RYR1: variants seen among roughly 807,000 people sequenced by gnomAD.
The protein encoded by RYR1 is ryanodine receptor 1.
A neutral mutation model predicts 583.5 loss-of-function variants in RYR1; 342 were observed. The ratio of observed to expected loss-of-function variants is 0.59; its 90% confidence interval spans 0.54 to 0.64. The LOEUF (loss-of-function observed/expected upper bound fraction) is 0.64. RYR1 is among the 30% of genes least tolerant of loss of function. RYR1 has a pLI of 0.00. For synonymous variants in RYR1, 2,791 were observed against 2,822.5 expected, an observed-to-expected ratio of 0.99 and a Z score of 0.35; for missense variants, 6,032 against 6,917.2, an observed-to-expected ratio of 0.87 and a Z score of 4.54.
intron 79 of RYR1, 134 bp downstream of exon 79, chr19:38,534,953 C>A: frequency 8.9e-7 from 1 of 1,121,400 alleles, no homozygotes; most frequent in Non-Finnish European, 1.3e-6. Flanking sequence ...CCAGCCCTTG[C>A]AGCTTCCCCT....
intron 12 of RYR1, among the ~76,000 whole-genome samples, chr19:38,452,349 G>C (rs1967120162): frequency 6.6e-6 from 1 of 151,572 alleles, no homozygotes; most frequent in Non-Finnish European, 1.5e-5. Flanking sequence ...GCTGAGGAAG[G>C]AGGATTGCTT....
chr19:38,576,065 G>T lies in RYR1; in HGVS notation c.14172+104G>T. The stretch of plus-strand genomic sequence containing the variant: ...GCTTGGTGTGTGACCTTGGGCAAGA[G>T]GTTTTTTTGCCTTTCTGAGTAGCAC... On this transcript the variant is annotated intron_variant, in intron 97 of 105. Transcript: ENST00000359596. 3.7e-6 allele frequency: 5 copies of T among 1,363,116 alleles called. No homozygotes were observed. The South Asian group carries it at 5.8e-5, about 16-fold the overall frequency. 84.4% of individuals were successfully genotyped at this position (1,363,116 alleles called of 1,614,324 possible). A position where few individuals can be genotyped will look rare whatever the true frequency, so the allele number is the denominator to read the frequency against.
Position 38,496,289 on chromosome 19 carries a change from T to C in RYR1, c.6623T>C (p.Met2208Thr), listed in dbSNP as rs1447570493. ...GCGCTGGGCATGCACGAGACGGTCA[T>C]GGAGGTCATGGTCAACGTCCTCGGG... ...MRALGMHETVMEVMVNVLGGG... is the reference protein window; with the variant it reads ...MRALGMHETVTEVMVNVLGGG... Residue 2208 changes from methionine (M) to threonine (T), a missense_variant, in exon 40 of 106, where the codon ATG (methionine) becomes ACG (threonine). This residue lies in a region of RYR1 where 2,627 missense variants were observed against 2,961.3 expected (regional missense o/e 0.89). Transcript: ENST00000359596. This position sits in a 1 kb window ranked among gnomAD's most constrained non-coding sequence, Gnocchi z 4.8. 1 of 1,613,966 alleles carries C rather than the reference T, an allele frequency of 6.2e-7. No homozygotes were observed. Among genetic ancestry groups the C allele is most frequent in the East Asian group, 2.2e-5 (1 of 44,858 alleles).
intron 35 of RYR1, 148 bp downstream of exon 35, chr19:38,489,591 T>A: frequency 1.2e-6 from 1 of 866,068 alleles, no homozygotes; most frequent in Non-Finnish European, 1.9e-6. Context: ...TGGAAAGATC[T>A]CTGTTTTCCA....
intron 89 of RYR1, among the ~76,000 whole-genome samples, chr19:38,552,230 G>A (rs1213918002): frequency 6.6e-6 from 1 of 151,580 alleles, no homozygotes; most frequent in East Asian, 1.9e-4. Flanking sequence ...GGGATTACCA[G>A]CATAAGCTAC....
chr19:38,435,471 C>A (rs1324944432), intron 1 of RYR1, among the ~76,000 whole-genome samples: 3 of 152,162 alleles, frequency 2.0e-5, no homozygotes, highest in African/African-American at 4.8e-5. Flanking sequence ...GTGGCTCATG[C>A]CTGTAATCTC....
Position 38,523,315 on chromosome 19 carries a change from G to T in RYR1, c.10440+6G>T. On this transcript the variant is annotated splice_donor_region_variant and intron_variant, in intron 69 of 105. Coordinates refer to ENST00000359596, the MANE Select transcript of RYR1 (RefSeq NM_000540.3). ...ACAAAAGCAAAATGGCTAAGGTCGG[G>T]GCTTGGTTCTGGGAGGAGCACTTGG... 1 of 1,614,136 alleles carries T rather than the reference G, an allele frequency of 6.2e-7. No individual in the cohort carries two copies. Among genetic ancestry groups the T allele is most frequent in the Non-Finnish European group, 8.5e-7 (1 of 1,180,028 alleles).
chr19:38,529,496 G>A (rs963022936), intron 76 of RYR1, among the ~76,000 whole-genome samples: 3 of 151,966 alleles, frequency 2.0e-5, no homozygotes, highest in African/African-American at 7.2e-5. Flanking sequence ...AAAAGAAAAG[G>A]AACGTAAATG....
At chr19:38,453,058 G>T in intron 13 of RYR1, 44 bp downstream of exon 13, 1 of 1,599,024 alleles carries the variant, frequency 6.3e-7, no homozygotes, top group Non-Finnish European at 8.5e-7. Context: ...GGGCCCAGGG[G>T]GCGGGACCAC....
At chr19:38,504,598 G>A in intron 50 of RYR1, 150 bp from the exon 51 acceptor site, 3 of 1,153,956 alleles carry the variant, frequency 2.6e-6, no homozygotes, top group Non-Finnish European at 2.5e-6. Flanking sequence ...ATACAATTGG[G>A]ACTGACATTT....
In RYR1 at chr19:38,502,598, T is replaced by C. The variant is rs778270931; in HGVS notation, c.7706T>C (p.Phe2569Ser). The C allele has an allele frequency of 3.1e-6, 5 of 1,612,674 alleles. No homozygotes were observed. The highest frequency in any genetic ancestry group is 4.2e-6 in the Non-Finnish European group (5 of 1,179,882). Residue 2569 changes from phenylalanine to serine, a missense_variant, in exon 48 of 106, where the codon TTT becomes TCT. Around this residue, in one of 11 missense-constraint regions of RYR1, gnomAD observed 250 missense variants for 162.3 expected, o/e 1.54. Transcript: ENST00000359596. ...LPLITKCAPL[F>S]AGTEHRAIMV... Reference sequence around the variant, plus strand: ...CTCATCACCAAGTGTGCGCCGCTCTTTGCGGGCACAGAACACCGCGCCATC... The same window carrying C: ...CTCATCACCAAGTGTGCGCCGCTCTCTGCGGGCACAGAACACCGCGCCATC...
intron 101 of RYR1, among the ~76,000 whole-genome samples, chr19:38,583,452 T>G (rs1974306058): frequency 6.8e-6 from 1 of 147,784 alleles, no homozygotes; most frequent in Non-Finnish European, 1.5e-5. Flanking sequence ...CACTCCAGCC[T>G]GGGCAACAGA....
At position 38,485,934 on chromosome 19, in the gene RYR1, A is replaced by T. The variant is rs758330549; in HGVS notation, c.5279A>T (p.His1760Leu). 6.2e-7 allele frequency: 1 copy of T among 1,613,716 alleles called. No individual in the cohort carries two copies. The highest frequency in any genetic ancestry group is 1.1e-5 in the South Asian group (1 of 91,084). The change falls in exon 34 of 106, where the codon CAT (histidine) becomes CTT (leucine). Residue 1760 changes from histidine to leucine, a missense_variant. Physicochemically the swap from His to Leu is moderately conservative, Grantham distance 99. Transcript: ENST00000359596. ...AGCACAGAAAATGGTCACCCCCGGC[A>T]TGGCCTGCCGGGAGTTGGAGTCACC... ...GRSTENGHPR[H>L]GLPGVGVTTS... is the part of the protein sequence containing the mutation.
In RYR1 at chr19:38,460,729, G is replaced by A. The variant is rs1967691959; in HGVS notation, c.2577+138G>A. 22 of 831,406 alleles carry A rather than the reference G, an allele frequency of 2.6e-5. No homozygotes were observed. The South Asian group carries it at 3.1e-4, about 12-fold the overall frequency. 51.5% of individuals were successfully genotyped at this position (831,406 alleles called of 1,614,324 possible). ...GTGGTGGCTCACGCCTGTAAGCCCA[G>A]CAATTTGGGAGGCCGAGGCGGGTGG... On this transcript the variant is annotated intron_variant, in intron 20 of 105. Transcript: ENST00000359596.
In RYR1 at chr19:38,478,452, G is replaced by A. The variant is rs1408050952; in HGVS notation, c.4472G>A (p.Cys1491Tyr). The change falls in exon 31 of 106, where the codon TGC (cysteine) becomes TAC (tyrosine). Residue 1491 changes from cysteine (C) to tyrosine (Y), a missense_variant. Transcript: ENST00000359596. Reference protein sequence around the residue: ...NVHSSLKCSNCYMVWGGDFVS... With the variant: ...NVHSSLKCSNYYMVWGGDFVS... The stretch of plus-strand genomic sequence containing the variant: ...TCCTGCAGCCTCAAGTGTAGCAACT[G>A]CTACATGGTGTGGGGCGGAGACTTT... 1 of 1,613,836 alleles carries A rather than the reference G, an allele frequency of 6.2e-7. No homozygotes were observed. Among genetic ancestry groups the A allele is most frequent in the East Asian group, 2.2e-5 (1 of 44,874 alleles).
At chr19:38,463,301 G>C (rs1053474192) in intron 20 of RYR1, 122 bp from the exon 21 acceptor site, 8 of 770,372 alleles carry the variant, frequency 1.0e-5, no homozygotes, top group Non-Finnish European at 1.8e-5. Context: ...AGGGCTGCTG[G>C]ATGGTGGGAA....
chr19:38,565,300 GCT>G lies in RYR1; in HGVS notation c.12967_12968del (p.Leu4323TyrfsTer259), dbSNP rs1973351768. On this transcript the variant is annotated frameshift_variant, in exon 91 of 106. Coordinates refer to ENST00000359596, the MANE Select transcript of RYR1 (RefSeq NM_000540.3). LOFTEE classifies it high-confidence loss of function. This position sits in a 1 kb window ranked among gnomAD's most constrained non-coding sequence, Gnocchi z 4.7. ...GGCGGCGCGTGCGGCGGCTGCGGCG[GCT>G]TACGGCCCGCGAGGCGGCCACCGCA... ...LRRRVRRLRR[L>X]TAREAATAVA... 1 of 1,077,154 alleles carries G rather than the reference GCT, an allele frequency of 9.3e-7. No individual in the cohort carries two copies. Among genetic ancestry groups the G allele is most frequent in the Admixed American group, 5.3e-5 (1 of 18,754 alleles). The allele number at this position is 1,077,154 out of a possible 1,614,324, so 66.7% of individuals were successfully genotyped here.
intron 2 of RYR1, among the ~76,000 whole-genome samples, chr19:38,441,179 G>A (rs1237155215): frequency 2.7e-5 from 4 of 149,478 alleles, no homozygotes; most frequent in Non-Finnish European, 5.9e-5. Flanking sequence ...TTTAAGGGGA[G>A]GTAGCCTGAG....
intron 34 of RYR1, among the ~76,000 whole-genome samples, chr19:38,486,748 T>A (rs1969318133): frequency 6.6e-6 from 1 of 152,142 alleles, no homozygotes. Flanking sequence ...TCTTCTTTCT[T>A]CCTATTCATC....
Sources: gnomAD v4.1 joint callset for allele counts (sites outside exome capture counted in the v4.1 genomes callset) on GRCh38, gnomAD v4.1.1 for gene constraint, gnomAD v4.1.1 regional missense constraint, Gnocchi (gnomAD v3.1) non-coding constraint, MANE v1.5 for transcripts, NCBI Gene and HGNC (gene_info 2026-07-23, HGNC 2026-07-21) for gene names.